The following CAPN11 variants were observed in gnomAD, a reference collection of about 807,000 sequenced individuals.
The protein encoded by CAPN11 is calpain-11.
In CAPN11, 108 loss-of-function variants were observed where a neutral mutation model predicts 105.3. That is an observed-to-expected ratio of 1.03 (90% CI 0.88 to 1.20). The LOEUF is 1.20. Ranked by LOEUF, CAPN11 falls within the 50% of genes most tolerant of loss-of-function variation. The pLI is 0.00. For synonymous variants in CAPN11, 329 were observed against 344.5 expected, an observed-to-expected ratio of 0.96 and a Z score of 0.50; for missense variants, 883 against 924.8, an observed-to-expected ratio of 0.95 and a Z score of 0.59.
Position 44,176,646 on chromosome 6 carries a change from G to A in CAPN11, c.1067G>A (p.Gly356Glu), listed in dbSNP as rs868106889. The change falls in exon 10 of 23, where the codon GGG becomes GAG. Residue 356 changes from glycine (G) to glutamate (E), a missense_variant. Gly to Glu is a moderately conservative substitution (Grantham distance 98). Coordinates refer to ENST00000398776, the MANE Select transcript of CAPN11 (RefSeq NM_007058.4). ...CAGCTGCTGCACAAGACGGAGGACGGGGAGTTCTGGTCAGTGTGGCTTGGG... is the reference window on the plus strand; with the variant it reads ...CAGCTGCTGCACAAGACGGAGGACGAGGAGTTCTGGTCAGTGTGGCTTGGG... Reference protein sequence around the residue: ...QMQLLHKTEDGEFWMSYQDFL... With the variant: ...QMQLLHKTEDEEFWMSYQDFL... The A allele has an allele frequency of 6.2e-7, 1 of 1,603,078 alleles. No homozygotes were observed. The highest frequency in any genetic ancestry group is 1.1e-5 in the South Asian group (1 of 89,340).
At chr6:44,159,400 G>T (rs1465706968) in intron 1 of CAPN11, among the ~76,000 whole-genome samples, 1 of 151,940 alleles carries the variant, frequency 6.6e-6, no homozygotes, top group Non-Finnish European at 1.5e-5. Flanking sequence ...GGGCTGGGGG[G>T]AAGGGGAGGG....
rs754019178 is a variant in CAPN11, at chr6:44,169,408, C to G, written c.216C>G (p.Ala72=). 1 of 1,613,960 alleles carries G rather than the reference C, an allele frequency of 6.2e-7. No homozygotes were observed. Among genetic ancestry groups the G allele is most frequent in the Non-Finnish European group, 8.5e-7 (1 of 1,179,868 alleles). The change falls in exon 3 of 23, where the codon GCC becomes GCG. Residue 72 remains alanine (A), a synonymous_variant. Transcript: ENST00000398776. ...AGAGCTTTGAGGAGCTGCGAGCAGC[C>G]TGTCTAAGAAAGGGGGAGCTCTTCG... ...GNQSFEELRA[A]CLRKGELFED... is the part of the protein sequence containing the mutation.
At chr6:44,167,454 T>C (rs902373195) in intron 2 of CAPN11, among the ~76,000 whole-genome samples, 22 of 120,792 alleles carry the variant, frequency 1.8e-4, no homozygotes, top group Non-Finnish European at 3.1e-4. Context: ...GCCGAGATCA[T>C]GCCACTGCAC....
Position 44,184,107 on chromosome 6 carries a change from G to A in CAPN11, c.*175G>A. On this transcript the variant is annotated 3_prime_UTR_variant, in exon 23 of 23. Coordinates refer to ENST00000398776, the MANE Select transcript of CAPN11 (RefSeq NM_007058.4). ...TGTTTACTGCAGCAGTGGGACCTCCGTGCCCACTCCCCCAGCTCAGAGGCT... is the reference window on the plus strand; with the variant it reads ...TGTTTACTGCAGCAGTGGGACCTCCATGCCCACTCCCCCAGCTCAGAGGCT... The A allele has an allele frequency of 1.2e-5, 8 of 644,922 alleles. No homozygotes were observed. The highest frequency in any genetic ancestry group is 1.9e-5 in the Non-Finnish European group (7 of 372,888). The allele number at this position is 644,922 out of a possible 1,614,324, so 39.9% of individuals were successfully genotyped here. A position where few individuals can be genotyped will look rare whatever the true frequency, so the allele number is the denominator to read the frequency against.
intron 19 of CAPN11, 98 bp downstream of exon 19, chr6:44,181,418 A>ACACACACACACCCAACCACACCACACT (rs1561853601): frequency 0.018 from 1,603 of 90,050 alleles, 19 homozygotes; most frequent in Middle Eastern, 0.044. Context: ...AGCCCTAACC[A>ACACACACACACCCAACCACACCACACT]CACACACACA....
chr6:44,170,247 CT>C (rs1770733879), intron 4 of CAPN11, among the ~76,000 whole-genome samples: 1 of 152,020 alleles, frequency 6.6e-6, no homozygotes, highest in Non-Finnish European at 1.5e-5. Flanking sequence ...TTACCTAGGA[CT>C]TAGCAACTTA....
At chr6:44,171,382 A>G (rs1175006830) in intron 4 of CAPN11, among the ~76,000 whole-genome samples, 6 of 152,190 alleles carry the variant, frequency 3.9e-5, no homozygotes, top group Non-Finnish European at 7.3e-5. Flanking sequence ...CTGCTGGGGC[A>G]CATACTGAGC....
At chr6:44,181,434 C>CT in intron 19 of CAPN11, 114 bp downstream of exon 19, 1 of 526,494 alleles carries the variant, frequency 1.9e-6, no homozygotes, top group African/African-American at 3.2e-5. Context: ...ACACACACAC[C>CT]CAACCACACC....
At chr6:44,179,835 G>C in intron 13 of CAPN11, 117 bp from the exon 14 acceptor site, 1 of 916,698 alleles carries the variant, frequency 1.1e-6, no homozygotes, top group Non-Finnish European at 1.8e-6. Context: ...GTCCAGGCCA[G>C]GTCAGTTGGT....
rs200939099 is a variant in CAPN11, at chr6:44,168,656, CTT to C, written c.89-624_89-623del. Among the ~76,000 whole-genome samples the C allele has an allele frequency of 7.9e-3, 1,206 of 151,964 alleles. 10 individuals carry two copies. The highest frequency in any genetic ancestry group is 0.024 in the South Asian group (117 of 4,800). ...TTTATTTTTGAGACAGAGTTTCGCT[CTT>C]GTTGGCCAGGCTGGAGTGCAGTGGC... is the stretch of plus-strand genomic sequence containing the variant. On this transcript the variant is annotated intron_variant, in intron 2 of 22. Coordinates refer to ENST00000398776, the MANE Select transcript of CAPN11 (RefSeq NM_007058.4).
chr6:44,180,505 G>A lies in CAPN11; in HGVS notation c.1680+6G>A. The A allele has an allele frequency of 2.5e-6, 4 of 1,613,882 alleles. No individual in the cohort carries two copies. Among genetic ancestry groups the A allele is most frequent in the Non-Finnish European group, 3.4e-6 (4 of 1,179,866 alleles). ...ATGCTGAGCAACTCCAAGAGGTGAG[G>A]GGAGACTGTAGGGCTGGGGGTTGGA... On this transcript the variant is annotated splice_donor_region_variant and intron_variant, in intron 15 of 22. Coordinates refer to ENST00000398776, the MANE Select transcript of CAPN11 (RefSeq NM_007058.4).
Position 44,184,331 on chromosome 6 carries a change from C to T in CAPN11, c.*399C>T, listed in dbSNP as rs74481492. 0.012 allele frequency: 2,815 copies of T among 234,894 alleles called. 35 individuals are homozygous for T. The highest frequency in any genetic ancestry group is 0.034 in the Middle Eastern group (22 of 644). 14.6% of individuals were successfully genotyped at this position (234,894 alleles called of 1,614,324 possible). On this transcript the variant is annotated 3_prime_UTR_variant, in exon 23 of 23. Coordinates refer to ENST00000398776, the MANE Select transcript of CAPN11 (RefSeq NM_007058.4). The stretch of plus-strand genomic sequence containing the variant: ...TGCTCACACCTACCTGCTGACCACC[C>T]ATCCTGGCACAGCCTCTGTTTTCCT...
At chr6:44,176,764 G>C (rs573478641) in intron 10 of CAPN11, 74 bp from the exon 11 acceptor site, 5 of 1,580,492 alleles carry the variant, frequency 3.2e-6, no homozygotes, top group Middle Eastern at 1.7e-4. Context: ...GGGTGGTTGT[G>C]GGGGGTGGTT....
In CAPN11 at chr6:44,172,279, C is replaced by T. The variant is rs1250387762; in HGVS notation, c.410-23C>T. ...CACATATGGGGTTGCTCAGGGGTGG[C>T]AAAGCCCTGCCTGTCTTTCCAGGGG... is the stretch of plus-strand genomic sequence containing the variant. On this transcript the variant is annotated intron_variant, in intron 4 of 22. Coordinates refer to ENST00000398776, the MANE Select transcript of CAPN11 (RefSeq NM_007058.4). 5.3e-6 allele frequency: 8 copies of T among 1,521,702 alleles called. No individual in the cohort carries two copies. The South Asian group carries it at 9.7e-5, about 18-fold the overall frequency. 94.3% of individuals were successfully genotyped at this position (1,521,702 alleles called of 1,614,324 possible). A position where few individuals can be genotyped will look rare whatever the true frequency, so the allele number is the denominator to read the frequency against.
At chr6:44,180,189 A>T in intron 14 of CAPN11, 26 bp downstream of exon 14, 5 of 1,519,784 alleles carry the variant, frequency 3.3e-6, no homozygotes, top group Non-Finnish European at 4.5e-6. Context: ...TCACTGCTCC[A>T]AGGCCCGCCA....
intron 1 of CAPN11, among the ~76,000 whole-genome samples, chr6:44,163,293 C>A (rs1205324766): frequency 1.3e-5 from 2 of 152,208 alleles, no homozygotes; most frequent in African/African-American, 4.8e-5. Context: ...CACCCCTTTT[C>A]CAACACCTTT....
At position 44,177,279 on chromosome 6, in the gene CAPN11, TC is replaced by T. The variant is rs766368612; in HGVS notation, c.1277del (p.Pro426LeufsTer23). The T allele has an allele frequency of 1.2e-6, 2 of 1,609,516 alleles. No individual in the cohort carries two copies. The highest frequency in any genetic ancestry group is 2.7e-5 in the African/African-American group (2 of 74,962). The stretch of plus-strand genomic sequence containing the variant: ...CCAACCCCCAGTTTAAGATCTCTCT[TC>T]CTGAGGGGGATGACCCAGAGGATGA... ...WTNPQFKISLPEGDDPEDDAE... is the reference protein window; with the variant it reads ...WTNPQFKISLXEGDDPEDDAE... On this transcript the variant is annotated frameshift_variant, in exon 12 of 23. Coordinates refer to ENST00000398776, the MANE Select transcript of CAPN11 (RefSeq NM_007058.4). LOFTEE classifies it high-confidence loss of function.
At chr6:44,171,927 G>A (rs143346258) in intron 4 of CAPN11, among the ~76,000 whole-genome samples, 32 of 152,094 alleles carry the variant, frequency 2.1e-4, no homozygotes, top group African/African-American at 7.5e-4. Flanking sequence ...TTAGCCAGGT[G>A]GGGTGGCGGG....
At chr6:44,164,448 G>A (rs1293153739) in intron 1 of CAPN11, among the ~76,000 whole-genome samples, 3 of 152,236 alleles carry the variant, frequency 2.0e-5, no homozygotes, top group Admixed American at 2.0e-4. Flanking sequence ...TTGAAACTCA[G>A]TAGTATACAA....
Sources: gnomAD v4.1 joint callset for allele counts (sites outside exome capture counted in the v4.1 genomes callset) on GRCh38, gnomAD v4.1.1 for gene constraint, MANE v1.5 for transcripts, NCBI Gene and HGNC (gene_info 2026-07-23, HGNC 2026-07-21) for gene names.